TTC7B: variants seen among roughly 807,000 people sequenced by gnomAD.
The protein encoded by TTC7B is tetratricopeptide repeat domain 7B, also known as tetratricopeptide repeat protein 7B.
A neutral mutation model predicts 106.8 loss-of-function variants in TTC7B; 28 were observed. The observed-to-expected ratio is 0.26, with a 90% CI of 0.19 to 0.36. TTC7B has a LOEUF of 0.36. Among genes scored for constraint, TTC7B ranks in the 10% least tolerant of loss-of-function variants. The pLI is 1.00. For missense variants in TTC7B, 862 were observed against 1,076.4 expected (o/e 0.80, Z 2.79); for synonymous variants, 405 against 430.6 (o/e 0.94, Z 0.74).
intron 4 of TTC7B, among the ~76,000 whole-genome samples, chr14:90,732,193 CA>C (rs1424687456): frequency 6.6e-6 from 1 of 152,108 alleles, no homozygotes; most frequent in Non-Finnish European, 1.5e-5. Context: ...TTAAATTTAA[CA>C]GAAGGAACTA....
chr14:90,779,466 G>A (rs1323034509), intron 3 of TTC7B, among the ~76,000 whole-genome samples: 4 of 151,968 alleles, frequency 2.6e-5, no homozygotes, highest in African/African-American at 4.8e-5. Context: ...CACCACACCC[G>A]GCTAATTTTT....
intron 5 of TTC7B, among the ~76,000 whole-genome samples, chr14:90,704,503 C>T (rs1056223472): frequency 2.0e-5 from 3 of 152,212 alleles, no homozygotes; most frequent in Non-Finnish European, 2.9e-5. Context: ...TGATCCCTGT[C>T]GTGCAGAAGC....
At chr14:90,690,654 C>T (rs1239918245) in intron 6 of TTC7B, among the ~76,000 whole-genome samples, 2 of 152,194 alleles carry the variant, frequency 1.3e-5, no homozygotes, top group Non-Finnish European at 2.9e-5. Context: ...GTAGTTCACT[C>T]TACCCATGAT....
At position 90,726,010 on chromosome 14, in the gene TTC7B, G is replaced by A. The variant is rs544678347; in HGVS notation, c.698+4065C>T. On this transcript the variant is annotated intron_variant, in intron 5 of 19. Transcript: ENST00000328459. ...AATCCCAACACTTTGGGAGGCCAAG[G>A]CAGGAGGATCACTTGAGCCCAGGAG... Among the ~76,000 whole-genome samples, 6 of 152,362 alleles carry A rather than the reference G, an allele frequency of 3.9e-5. No individual in the cohort carries two copies. In the South Asian group the frequency reaches 6.2e-4, roughly 16 times the overall value.
At chr14:90,616,382 T>C (rs576530565) in intron 16 of TTC7B, among the ~76,000 whole-genome samples, 1 of 152,372 alleles carries the variant, frequency 6.6e-6, no homozygotes, top group East Asian at 1.9e-4. Context: ...TGATCTTTAT[T>C]TTGAGAACAT....
chr14:90,675,415 G>A (rs775536787), intron 9 of TTC7B, among the ~76,000 whole-genome samples: 5 of 152,142 alleles, frequency 3.3e-5, no homozygotes, highest in Admixed American at 6.5e-5. Context: ...TCAAGGTACC[G>A]GGAGAGGTTC....
intron 5 of TTC7B, among the ~76,000 whole-genome samples, chr14:90,729,691 G>T (rs1354143498): frequency 2.0e-5 from 3 of 152,180 alleles, no homozygotes. Context: ...CCACTGAAAG[G>T]GCGATGCTCC....
At chr14:90,684,416 A>ATGG (rs1272512261) in intron 7 of TTC7B, among the ~76,000 whole-genome samples, 1 of 152,168 alleles carries the variant, frequency 6.6e-6, no homozygotes, top group Non-Finnish European at 1.5e-5. Flanking sequence ...GGGGGAAAAA[A>ATGG]GAAACACGTA....
chr14:90,552,462 G>A (rs967369844), intron 19 of TTC7B, among the ~76,000 whole-genome samples: 2 of 152,224 alleles, frequency 1.3e-5, no homozygotes, highest in Non-Finnish European at 2.9e-5. Flanking sequence ...GGTGGCCGGA[G>A]CCTGCACAAG....
intron 5 of TTC7B, among the ~76,000 whole-genome samples, chr14:90,716,635 A>G (rs1469516876): frequency 6.6e-6 from 1 of 152,224 alleles, no homozygotes; most frequent in Non-Finnish European, 1.5e-5. Context: ...TACTAGCTCA[A>G]AATGTACTTG....
At chr14:90,579,883 C>G (rs1434173811) in intron 18 of TTC7B, among the ~76,000 whole-genome samples, 1 of 152,250 alleles carries the variant, frequency 6.6e-6, no homozygotes, top group African/African-American at 2.4e-5. Context: ...CCCTGTCATC[C>G]CCTGGAGCCC....
chr14:90,778,578 T>C (rs1891108721), intron 3 of TTC7B, among the ~76,000 whole-genome samples: 1 of 142,156 alleles, frequency 7.0e-6, no homozygotes, highest in Non-Finnish European at 1.5e-5. Flanking sequence ...GCTTCCAGAA[T>C]GCTGTTGCTG....
At chr14:90,787,554 A>G (rs1292978656) in intron 1 of TTC7B, among the ~76,000 whole-genome samples, 1 of 152,184 alleles carries the variant, frequency 6.6e-6, no homozygotes, top group East Asian at 1.9e-4. Context: ...CTGGTCCTAA[A>G]AAGAAGACTA....
At chr14:90,754,971 G>C (rs1230517110) in intron 3 of TTC7B, among the ~76,000 whole-genome samples, 1 of 152,056 alleles carries the variant, frequency 6.6e-6, no homozygotes, top group African/African-American at 2.4e-5. Context: ...ATTTTAAACT[G>C]ATCACTTCAG....
chr14:90,641,121 C>A (rs756284472), intron 15 of TTC7B, among the ~76,000 whole-genome samples: 2 of 152,174 alleles, frequency 1.3e-5, no homozygotes, highest in Non-Finnish European at 2.9e-5. Context: ...GTTGTCTCAG[C>A]CCTGCTTGGA....
At chr14:90,733,022 T>C (rs893608166) in intron 4 of TTC7B, among the ~76,000 whole-genome samples, 4 of 152,162 alleles carry the variant, frequency 2.6e-5, no homozygotes, top group Non-Finnish European at 5.9e-5. Context: ...TCCACTGTGC[T>C]ACAAATTCCA....
At chr14:90,622,366 G>C (rs981209159) in intron 15 of TTC7B, among the ~76,000 whole-genome samples, 3 of 151,948 alleles carry the variant, frequency 2.0e-5, no homozygotes, top group African/African-American at 7.2e-5. Flanking sequence ...TGATCTACCT[G>C]CCTCGGCCTC....
chr14:90,591,212 G>A (rs1284146427), intron 18 of TTC7B, among the ~76,000 whole-genome samples: 1 of 152,034 alleles, frequency 6.6e-6, no homozygotes, highest in Non-Finnish European at 1.5e-5. Flanking sequence ...ATGGTGGCAG[G>A]CACCTGTAAT....
chr14:90,747,454 T>C (rs1890003600), intron 3 of TTC7B, among the ~76,000 whole-genome samples: 1 of 152,240 alleles, frequency 6.6e-6, no homozygotes, highest in African/African-American at 2.4e-5. Flanking sequence ...CTTTCCAGTA[T>C]ATCAATGCCT....
Sources: gnomAD v4.1 joint callset for allele counts (sites outside exome capture counted in the v4.1 genomes callset) on GRCh38, gnomAD v4.1.1 for gene constraint, MANE v1.5 for transcripts, NCBI Gene and HGNC (gene_info 2026-07-23, HGNC 2026-07-21) for gene names.